The following TSC1 variants were observed in gnomAD, a reference collection of about 807,000 sequenced individuals.
TSC1 encodes hamartin.
TSC1 carries 20 observed loss-of-function variants against 124.3 expected under a neutral mutation model. The observed-to-expected ratio is 0.16, with a 90% confidence interval of 0.11 to 0.23. The LOEUF is 0.23. TSC1 is among the 10% of genes least tolerant of loss of function. The pLI, the probability that TSC1 is intolerant of heterozygous loss-of-function variation, is 1.00. For synonymous variants in TSC1, 493 were observed against 539.1 expected, an observed-to-expected ratio of 0.91 and a Z score of 1.19; for missense variants, 1,124 against 1,448.5, an observed-to-expected ratio of 0.78 and a Z score of 3.64.
upstream of TSC1, chr9:132,944,754 T>A (rs1363528122): frequency 5.0e-6 from 2 of 397,142 alleles, no homozygotes; most frequent in Non-Finnish European, 8.9e-6. Context: ...AGGAAGAGGC[T>A]CTTCCACTCA....
intron 3 of TSC1, 46 bp from the exon 4 acceptor site, chr9:132,927,350 T>G: frequency 6.4e-7 from 1 of 1,569,930 alleles, no homozygotes; most frequent in Non-Finnish European, 8.7e-7. Context: ...CCCCTTAACA[T>G]CCTAAATTTA....
intron 2 of TSC1, among the ~76,000 whole-genome samples, chr9:132,931,918 C>T (rs916191869): frequency 1.3e-5 from 2 of 152,190 alleles, no homozygotes; most frequent in Non-Finnish European, 2.9e-5. Context: ...ACATGTTAAA[C>T]ACACTTTACA....
At chr9:132,897,387 A>G in intron 21 of TSC1, 36 bp downstream of exon 21, 1 of 1,614,244 alleles carries the variant, frequency 6.2e-7, no homozygotes. Context: ...AGTTCCACTT[A>G]ATAAAAACAC....
chr9:132,932,872 T>C (rs1847273065), intron 2 of TSC1, among the ~76,000 whole-genome samples: 1 of 152,212 alleles, frequency 6.6e-6, no homozygotes, highest in Non-Finnish European at 1.5e-5. Flanking sequence ...TTCTCAGTCA[T>C]CACTTTTCAA....
At chr9:132,898,377 T>C (rs1302557184) in intron 20 of TSC1, among the ~76,000 whole-genome samples, 1 of 152,230 alleles carries the variant, frequency 6.6e-6, no homozygotes, top group East Asian at 1.9e-4. Flanking sequence ...TGTGTGTGTA[T>C]GTTTACCGTG....
At position 132,906,449 on chromosome 9, in the gene TSC1, TG is replaced by T; in HGVS notation, c.1438+281del. 1 of 526,854 alleles carries T rather than the reference TG, an allele frequency of 1.9e-6. No homozygotes were observed. The highest frequency in any genetic ancestry group is 2.0e-5 in the South Asian group (1 of 48,956). The allele number at this position is 526,854 out of a possible 1,614,324, so 32.6% of individuals were successfully genotyped here. ...CTGTGGTCCCAGCTACTCAGGAGGC[TG>T]AGGTGGGCGGATTGCTTGAGCCTGG... On this transcript the variant is annotated intron_variant, in intron 14 of 22. Transcript: ENST00000298552. The surrounding 1 kb of genome is among the most constrained non-coding windows in gnomAD (Gnocchi z 4.1).
intron 12 of TSC1, chr9:132,910,264 G>A: frequency 1.7e-6 from 1 of 585,942 alleles, no homozygotes; most frequent in Non-Finnish European, 3.0e-6. Context: ...TCGTGCCACT[G>A]CACTCCACCC....
At chr9:132,898,177 A>G (rs1329201681) in intron 20 of TSC1, among the ~76,000 whole-genome samples, 1 of 152,240 alleles carries the variant, frequency 6.6e-6, no homozygotes, top group Non-Finnish European at 1.5e-5. Flanking sequence ...TACAGAATGG[A>G]ATGCCAATGG....
chr9:132,903,569 G>A lies in TSC1; in HGVS notation c.2208+82C>T, dbSNP rs957824195. The A allele has an allele frequency of 1.3e-4, 201 of 1,604,374 alleles. 1 individual carries two copies. Among genetic ancestry groups the A allele is most frequent in the Non-Finnish European group, 1.6e-4 (190 of 1,174,602 alleles). ...AAGGACTGGGAACTCTGACCTCCTC[G>A]GCTGCTGTGCTTTATAAGCTATCAT... On this transcript the variant is annotated intron_variant, in intron 17 of 22. Coordinates refer to ENST00000298552, the MANE Select transcript of TSC1 (RefSeq NM_000368.5). This position sits in a 1 kb window ranked among gnomAD's most constrained non-coding sequence, Gnocchi z 5.9.
At chr9:132,917,855 G>T (rs1245655068) in intron 8 of TSC1, among the ~76,000 whole-genome samples, 1 of 151,900 alleles carries the variant, frequency 6.6e-6, no homozygotes, top group Admixed American at 6.6e-5. Flanking sequence ...CTTTTTCTGT[G>T]GCATCCTGAT....
chr9:132,923,671 G>T lies in TSC1; in HGVS notation c.364-179C>A. On this transcript the variant is annotated intron_variant, in intron 5 of 22. Coordinates refer to ENST00000298552, the MANE Select transcript of TSC1 (RefSeq NM_000368.5). This position sits in a 1 kb window ranked among gnomAD's most constrained non-coding sequence, Gnocchi z 4.2. The stretch of plus-strand genomic sequence containing the variant: ...GGATAACATTCAAACAGACTCAACA[G>T]AACACTGAGCCCCAACTCTACTGTA... 1 of 838,414 alleles carries T rather than the reference G, an allele frequency of 1.2e-6. No homozygotes were observed. The highest frequency in any genetic ancestry group is 1.9e-6 in the Non-Finnish European group (1 of 529,258). 51.9% of individuals were successfully genotyped at this position (838,414 alleles called of 1,614,324 possible). A position where few individuals can be genotyped will look rare whatever the true frequency, so the allele number is the denominator to read the frequency against.
rs147729052 is a variant in TSC1, at chr9:132,895,877, G to A, written c.*358C>T. 7.7e-4 allele frequency: 290 copies of A among 376,394 alleles called. 1 individual carries two copies. The highest frequency in any genetic ancestry group is 1.1e-3 in the Non-Finnish European group (220 of 202,968). 23.3% of individuals were successfully genotyped at this position (376,394 alleles called of 1,614,324 possible). On this transcript the variant is annotated 3_prime_UTR_variant, in exon 23 of 23. Coordinates refer to ENST00000298552, the MANE Select transcript of TSC1 (RefSeq NM_000368.5). ...GAACTTCGGGAAAGCAGAAAGTGGT[G>A]TGTTAGACTCAAAGATTAAATTTGG...
In TSC1 at chr9:132,895,198, G is replaced by A. The variant is rs1844969260; in HGVS notation, c.*1037C>T. ...TACAGTGAGGCAACCCTAATGGCCT[G>A]GGAAATGATGGTCACATACACTTTG... On this transcript the variant is annotated 3_prime_UTR_variant, in exon 23 of 23. Coordinates refer to ENST00000298552, the MANE Select transcript of TSC1 (RefSeq NM_000368.5). The A allele has an allele frequency of 4.3e-6, 1 of 233,244 alleles. No homozygotes were observed. Among genetic ancestry groups the A allele is most frequent in the Non-Finnish European group, 8.5e-6 (1 of 117,762 alleles). 14.4% of individuals were successfully genotyped at this position (233,244 alleles called of 1,614,324 possible). A position where few individuals can be genotyped will look rare whatever the true frequency, so the allele number is the denominator to read the frequency against.
chr9:132,940,939 A>C (rs1287923951), intron 1 of TSC1: 1 of 152,194 alleles, frequency 6.6e-6, no homozygotes, highest in East Asian at 1.9e-4. Flanking sequence ...TAATGATTGC[A>C]GACATTAAGG....
chr9:132,939,903 T>C (rs755276691), intron 1 of TSC1, among the ~76,000 whole-genome samples: 1 of 152,150 alleles, frequency 6.6e-6, no homozygotes, highest in Non-Finnish European at 1.5e-5. Context: ...ATTGGATACT[T>C]TGGGGGTGGG....
rs184992841 is a variant in TSC1, at chr9:132,923,705, G to C, written c.364-213C>G. The C allele has an allele frequency of 1.4e-4, 94 of 652,136 alleles. No homozygotes were observed. The African/African-American group carries it at 1.6e-3, about 11-fold the overall frequency. The allele number at this position is 652,136 out of a possible 1,614,324, so 40.4% of individuals were successfully genotyped here. ...GCCCCAACTCTACTGTAATGAGTCAGTGAGGACCATTTACAACACACCTAT... is the reference window on the plus strand; with the variant it reads ...GCCCCAACTCTACTGTAATGAGTCACTGAGGACCATTTACAACACACCTAT... On this transcript the variant is annotated intron_variant, in intron 5 of 22. Coordinates refer to ENST00000298552, the MANE Select transcript of TSC1 (RefSeq NM_000368.5). This position sits in a 1 kb window ranked among gnomAD's most constrained non-coding sequence, Gnocchi z 4.2.
chr9:132,933,254 T>A (rs1379362347), intron 2 of TSC1, among the ~76,000 whole-genome samples: 1 of 152,108 alleles, frequency 6.6e-6, no homozygotes, highest in East Asian at 1.9e-4. Flanking sequence ...TTCGTAGAGA[T>A]GGGGTTTTAC....
At chr9:132,928,669 G>T in intron 3 of TSC1, 98 bp downstream of exon 3, 2 of 1,518,270 alleles carry the variant, frequency 1.3e-6, no homozygotes, top group Non-Finnish European at 1.8e-6. Context: ...AAACTTTTCA[G>T]AAGATGAAAA....
At position 132,894,736 on chromosome 9, in the gene TSC1, G is replaced by A. The variant is rs1044312792; in HGVS notation, c.*1499C>T. The stretch of plus-strand genomic sequence containing the variant: ...AAAAAGACTTTCATTCTCTCTGCTC[G>A]AGGCCTCCGTGGGCACTAAGATTTC... On this transcript the variant is annotated 3_prime_UTR_variant, in exon 23 of 23. Transcript: ENST00000298552. 2.4e-5 allele frequency: 5 copies of A among 209,524 alleles called. No individual in the cohort carries two copies. The highest frequency in any genetic ancestry group is 1.5e-3 in the Middle Eastern group (1 of 684). 13.0% of individuals were successfully genotyped at this position (209,524 alleles called of 1,614,324 possible).
Sources: gnomAD v4.1 joint callset for allele counts (sites outside exome capture counted in the v4.1 genomes callset) on GRCh38, gnomAD v4.1.1 for gene constraint, Gnocchi (gnomAD v3.1) non-coding constraint, MANE v1.5 for transcripts, NCBI Gene and HGNC (gene_info 2026-07-23, HGNC 2026-07-21) for gene names.